ZCCHC17: variants seen among roughly 807,000 people sequenced by gnomAD.
ZCCHC17 encodes the protein zinc finger CCHC domain-containing protein 17.
ZCCHC17 carries 18 observed loss-of-function variants against 30.6 expected under a neutral mutation model. The ratio of observed to expected loss-of-function variants is 0.59; its 90% CI spans 0.41 to 0.87. The LOEUF (loss-of-function observed/expected upper bound fraction) is 0.87. Ranked by LOEUF, ZCCHC17 falls within the 40% of genes least tolerant of loss-of-function variation. The probability of loss-of-function intolerance (pLI) is 0.00; values close to 1 mark genes in which losing one functional copy is unlikely to be tolerated. For synonymous variants in ZCCHC17, 88 were observed against 92.4 expected (o/e 0.95, Z 0.27); for missense variants, 263 against 284.2 (o/e 0.93, Z 0.54).
Position 31,300,702 on chromosome 1 carries a change from G to A in ZCCHC17, c.-56+3627G>A, listed in dbSNP as rs762305624. ...TATAATCCCAGCACTTTGGGAGGCCGAGGCAGGTGGATCACCTGAGGTCAG... is the reference window on the plus strand; with the variant it reads ...TATAATCCCAGCACTTTGGGAGGCCAAGGCAGGTGGATCACCTGAGGTCAG... On this transcript the variant is annotated intron_variant, in intron 1 of 7. Coordinates refer to ENST00000344147, the MANE Select transcript of ZCCHC17 (RefSeq NM_016505.4). Among the ~76,000 whole-genome samples, 71 of 152,154 alleles carry A rather than the reference G, an allele frequency of 4.7e-4. 1 individual carries two copies. Among genetic ancestry groups the A allele is most frequent in the South Asian group, 4.6e-3 (22 of 4,822 alleles).
At chr1:31,358,446 T>C (rs1299603619) in intron 7 of ZCCHC17, among the ~76,000 whole-genome samples, 3 of 152,102 alleles carry the variant, frequency 2.0e-5, no homozygotes, top group Non-Finnish European at 4.4e-5. Flanking sequence ...GTAGAAGCAG[T>C]GAGTTGATAG....
At chr1:31,361,771 T>TG (rs1052716917) in intron 7 of ZCCHC17, among the ~76,000 whole-genome samples, 15 of 151,630 alleles carry the variant, frequency 9.9e-5, no homozygotes, top group African/African-American at 3.6e-4. Flanking sequence ...GTGTTTTTTT[T>TG]GGGGAGAGGG....
At position 31,318,787 on chromosome 1, in the gene ZCCHC17, C is replaced by A. The variant is rs114848648; in HGVS notation, c.67-322C>A. On this transcript the variant is annotated intron_variant, in intron 2 of 7. Transcript: ENST00000344147. ...TGTTCCTTTTGTTCATGAAACTCCTCTGGTAATATCAATATGTTCCCTTTG... is the reference window on the plus strand; with the variant it reads ...TGTTCCTTTTGTTCATGAAACTCCTATGGTAATATCAATATGTTCCCTTTG... 1.3e-3 allele frequency among the ~76,000 whole-genome samples: 192 copies of A among 152,256 alleles called. 1 individual carries two copies. The highest frequency in any genetic ancestry group is 2.9e-3 in the Admixed American group (44 of 15,284).
chr1:31,362,567 C>T (rs1414531986), intron 7 of ZCCHC17, among the ~76,000 whole-genome samples: 1 of 152,162 alleles, frequency 6.6e-6, no homozygotes, highest in African/African-American at 2.4e-5. Context: ...TGTTCTTTCT[C>T]AGCTCTTTTC....
chr1:31,320,441 A>G lies in ZCCHC17; in HGVS notation c.124+1275A>G, dbSNP rs147817162. Among the ~76,000 whole-genome samples, 198 of 152,292 alleles carry G rather than the reference A, an allele frequency of 1.3e-3. 1 individual carries two copies. Among genetic ancestry groups the G allele is most frequent in the African/African-American group, 4.6e-3 (192 of 41,576 alleles). On this transcript the variant is annotated intron_variant, in intron 3 of 7. Transcript: ENST00000344147. The stretch of plus-strand genomic sequence containing the variant: ...CTTTGAGAACATTGTTGTCACCCCA[A>G]AAAGAAACCCTGTACCTATTAGCCA...
intron 3 of ZCCHC17, among the ~76,000 whole-genome samples, chr1:31,332,797 T>C (rs550957450): frequency 4.6e-5 from 7 of 152,176 alleles, no homozygotes; most frequent in Admixed American, 3.9e-4. Flanking sequence ...AATTTTTGTA[T>C]TTTTAGTAGA....
intron 1 of ZCCHC17, among the ~76,000 whole-genome samples, chr1:31,301,079 G>A (rs945614048): frequency 2.6e-5 from 4 of 152,162 alleles, no homozygotes; most frequent in Non-Finnish European, 5.9e-5. Flanking sequence ...TTGTAGAGGA[G>A]TTTTAGGGAT....
intron 5 of ZCCHC17, among the ~76,000 whole-genome samples, chr1:31,340,434 C>T (rs990487385): frequency 2.0e-5 from 3 of 151,084 alleles, no homozygotes; most frequent in Admixed American, 6.6e-5. Context: ...TCTCCTGCCT[C>T]AGCCTCCACA....
At chr1:31,329,045 T>G (rs1004257901) in intron 3 of ZCCHC17, among the ~76,000 whole-genome samples, 1 of 152,186 alleles carries the variant, frequency 6.6e-6, no homozygotes, top group Non-Finnish European at 1.5e-5. Context: ...TTGGTCTTTC[T>G]GGTGACTAGT....
Position 31,339,012 on chromosome 1 carries a change from C to A in ZCCHC17, c.281C>A (p.Thr94Asn). ...SLSMKVVNQGTGKDLDPNNVI... is the reference protein window; with the variant it reads ...SLSMKVVNQGNGKDLDPNNVI... ...TCCATGAAGGTTGTCAATCAAGGGA[C>A]TGGGAAAGACCTTGATCCCAACAAT... Residue 94 changes from threonine (T) to asparagine (N), a missense_variant, in exon 5 of 8, where the codon ACT (threonine) becomes AAT (asparagine). Transcript: ENST00000344147. The A allele has an allele frequency of 1.2e-6, 2 of 1,612,652 alleles. No homozygotes were observed. The highest frequency in any genetic ancestry group is 2.2e-5 in the South Asian group (2 of 90,650).
chr1:31,344,853 T>G (rs1408852817), intron 5 of ZCCHC17, among the ~76,000 whole-genome samples: 2 of 76,348 alleles, frequency 2.6e-5, no homozygotes, highest in African/African-American at 8.5e-5. Flanking sequence ...TTGTTATGGG[T>G]TTTTTTTTGT....
intron 1 of ZCCHC17, among the ~76,000 whole-genome samples, chr1:31,309,597 C>T (rs1485829877): frequency 6.6e-6 from 1 of 152,186 alleles, no homozygotes; most frequent in Non-Finnish European, 1.5e-5. Flanking sequence ...CAGGTGTGAG[C>T]CACCATACCC....
At chr1:31,304,601 T>C (rs1293047371) in intron 1 of ZCCHC17, among the ~76,000 whole-genome samples, 1 of 151,510 alleles carries the variant, frequency 6.6e-6, no homozygotes, top group Non-Finnish European at 1.5e-5. Flanking sequence ...TATATACTCT[T>C]ATTTTTTTTT....
chr1:31,339,221 C>T (rs1186371509), intron 5 of ZCCHC17, among the ~76,000 whole-genome samples, 173 bp downstream of exon 5: 1 of 152,186 alleles, frequency 6.6e-6, no homozygotes, highest in African/African-American at 2.4e-5. Flanking sequence ...TTAGACCAGG[C>T]GTGGTGGCTC....
chr1:31,301,631 G>T (rs547657480), intron 1 of ZCCHC17, among the ~76,000 whole-genome samples: 21 of 152,126 alleles, frequency 1.4e-4, no homozygotes, highest in Admixed American at 3.9e-4. Context: ...GGTAGAATAA[G>T]TGCTGATCCT....
chr1:31,345,562 A>ATTATATTATATATAT (rs71035094), intron 5 of ZCCHC17, among the ~76,000 whole-genome samples: 18 of 99,768 alleles, frequency 1.8e-4, no homozygotes, highest in Admixed American at 4.7e-4. Flanking sequence ...ATATATATAT[A>ATTATATTATATATAT]ATATAATATA....
chr1:31,304,886 C>T (rs1484331301), intron 1 of ZCCHC17, among the ~76,000 whole-genome samples: 2 of 152,142 alleles, frequency 1.3e-5, no homozygotes, highest in African/African-American at 2.4e-5. Context: ...TGAGCCACCA[C>T]GCACGGCTGT....
At position 31,322,967 on chromosome 1, in the gene ZCCHC17, G is replaced by A. The variant is rs541993203; in HGVS notation, c.124+3801G>A. Among the ~76,000 whole-genome samples the A allele has an allele frequency of 6.6e-5, 10 of 152,134 alleles. No individual in the cohort carries two copies. The South Asian group carries it at 1.7e-3, about 25-fold the overall frequency. On this transcript the variant is annotated intron_variant, in intron 3 of 7. Coordinates refer to ENST00000344147, the MANE Select transcript of ZCCHC17 (RefSeq NM_016505.4). ...AAACTCCTTTCCTTGTGACCTGCCC[G>A]TCTTGGCCTCCCAAAGTGCTGGGAT...
chr1:31,297,240 G>A (rs973638340), intron 1 of ZCCHC17, 165 bp downstream of exon 1: 1 of 399,152 alleles, frequency 2.5e-6, no homozygotes, highest in Middle Eastern at 6.3e-4. Flanking sequence ...GCTCCCTTTC[G>A]GGGCAGGAGC....
Sources: gnomAD v4.1 joint callset for allele counts (sites outside exome capture counted in the v4.1 genomes callset) on GRCh38, gnomAD v4.1.1 for gene constraint, MANE v1.5 for transcripts, NCBI Gene and HGNC (gene_info 2026-07-23, HGNC 2026-07-21) for gene names.